The following TSPAN5 variants were observed in gnomAD, a reference collection of about 807,000 sequenced individuals.
TSPAN5 encodes the protein tetraspanin 5.
TSPAN5 carries 10 observed loss-of-function variants against 37.1 expected under a neutral mutation model. That is an observed-to-expected ratio of 0.27 (90% confidence interval 0.17 to 0.46). The LOEUF is 0.46. Ranked by LOEUF, TSPAN5 falls within the 20% of genes least tolerant of loss-of-function variation. The pLI, the probability that TSPAN5 is intolerant of heterozygous loss-of-function variation, is 1.00. For synonymous variants in TSPAN5, 110 were observed against 118.9 expected (o/e 0.93, Z 0.48); for missense variants, 195 against 326.6 (o/e 0.60, Z 3.11).
chr4:98,542,433 A>C (rs2110142917), intron 1 of TSPAN5, among the ~76,000 whole-genome samples: 4 of 152,320 alleles, frequency 2.6e-5, no homozygotes, highest in African/African-American at 9.6e-5. Flanking sequence ...CCATGAAGGC[A>C]GGCTGGGCAT....
chr4:98,556,368 G>GC (rs1310800577), intron 1 of TSPAN5, among the ~76,000 whole-genome samples: 1 of 152,180 alleles, frequency 6.6e-6, no homozygotes, highest in Non-Finnish European at 1.5e-5. Flanking sequence ...AAGCAGAGCT[G>GC]CCTATTGAGG....
chr4:98,567,689 C>T (rs1376297266), intron 1 of TSPAN5, among the ~76,000 whole-genome samples: 3 of 152,094 alleles, frequency 2.0e-5, no homozygotes, highest in African/African-American at 2.4e-5. Flanking sequence ...GCAATGAGGG[C>T]TAGACACAAA....
chr4:98,579,047 G>C (rs1368914291), intron 1 of TSPAN5, among the ~76,000 whole-genome samples: 1 of 152,100 alleles, frequency 6.6e-6, no homozygotes, highest in Non-Finnish European at 1.5e-5. Context: ...CAAGGAAATA[G>C]GAAGACGTGC....
chr4:98,477,655 G>A (rs1752734171), intron 5 of TSPAN5, among the ~76,000 whole-genome samples: 1 of 139,712 alleles, frequency 7.2e-6, no homozygotes, highest in South Asian at 2.2e-4. Context: ...TAACACTAGA[G>A]AGTTACCTTT....
chr4:98,658,201 G>A lies in TSPAN5; in HGVS notation c.26C>T (p.Pro9Leu). Reference protein sequence around the residue: MSGKHYKGPEVSCCIKYFI... With the variant: MSGKHYKGLEVSCCIKYFI... ...GTATTTGATGCAACAACTGACTTCAGGACCCTTGTAGTGCTTCCCGGACAT... is the reference window on the plus strand; with the variant it reads ...GTATTTGATGCAACAACTGACTTCAAGACCCTTGTAGTGCTTCCCGGACAT... Residue 9 changes from proline to leucine, a missense_variant, in exon 1 of 8, where the codon CCT (proline) becomes CTT (leucine). Physicochemically the swap from Pro to Leu is moderately conservative, Grantham distance 98. Coordinates refer to ENST00000305798, the MANE Select transcript of TSPAN5 (RefSeq NM_005723.4). 1 of 1,614,146 alleles carries A rather than the reference G, an allele frequency of 6.2e-7. No homozygotes were observed. Among genetic ancestry groups the A allele is most frequent in the Non-Finnish European group, 8.5e-7 (1 of 1,179,988 alleles).
At chr4:98,506,237 T>G (rs1753475490) in intron 2 of TSPAN5, among the ~76,000 whole-genome samples, 1 of 152,154 alleles carries the variant, frequency 6.6e-6, no homozygotes, top group Non-Finnish European at 1.5e-5. Flanking sequence ...TTCCACAAAT[T>G]TCCAAGTTCA....
intron 1 of TSPAN5, among the ~76,000 whole-genome samples, chr4:98,634,884 C>T (rs1756820923): frequency 6.6e-6 from 1 of 152,144 alleles, no homozygotes; most frequent in Admixed American, 6.5e-5. Context: ...TTTGGAAAGT[C>T]CTTTGGGTTG....
rs116509681 is a variant in TSPAN5, at chr4:98,525,191, G to A, written c.82-17463C>T. ...GCTCTTCCTAAAATCTTATCACTAG[G>A]TTCTCAAAACTGGGCTCCAAATGTG... On this transcript the variant is annotated intron_variant, in intron 1 of 7. Coordinates refer to ENST00000305798, the MANE Select transcript of TSPAN5 (RefSeq NM_005723.4). Among the ~76,000 whole-genome samples, 935 of 152,272 alleles carry A rather than the reference G, an allele frequency of 6.1e-3. 8 individuals carry two copies. The highest frequency in any genetic ancestry group is 0.021 in the African/African-American group (857 of 41,530).
At chr4:98,573,953 G>A (rs563984277) in intron 1 of TSPAN5, among the ~76,000 whole-genome samples, 15 of 152,236 alleles carry the variant, frequency 9.9e-5, no homozygotes, top group Admixed American at 9.2e-4. Flanking sequence ...TGCCTTCCCT[G>A]AGGGCATTAC....
At chr4:98,485,652 G>A (rs1269435849) in intron 3 of TSPAN5, 1 of 151,726 alleles carries the variant, frequency 6.6e-6, no homozygotes, top group Non-Finnish European at 1.5e-5. Flanking sequence ...GGCACACCGT[G>A]TACCCTCTTC....
At chr4:98,546,205 G>T (rs1484697623) in intron 1 of TSPAN5, among the ~76,000 whole-genome samples, 1 of 152,182 alleles carries the variant, frequency 6.6e-6, no homozygotes, top group Non-Finnish European at 1.5e-5. Flanking sequence ...GACCAAGCAA[G>T]CATATTCTAA....
intron 1 of TSPAN5, chr4:98,574,707 T>A (rs1484145288): frequency 1.3e-5 from 2 of 152,140 alleles, no homozygotes; most frequent in Non-Finnish European, 1.5e-5. Flanking sequence ...GGGAATGCCA[T>A]CTCCTCACCC....
intron 2 of TSPAN5, among the ~76,000 whole-genome samples, chr4:98,491,705 G>GC (rs1359574001): frequency 4.0e-5 from 6 of 151,868 alleles, no homozygotes; most frequent in Admixed American, 2.0e-4. Flanking sequence ...AAAAAAGGTG[G>GC]GGGGGAACAT....
intron 1 of TSPAN5, among the ~76,000 whole-genome samples, chr4:98,586,780 T>C (rs1198467061): frequency 6.6e-6 from 1 of 152,220 alleles, no homozygotes; most frequent in Non-Finnish European, 1.5e-5. Flanking sequence ...TGCAGTTCTC[T>C]TACAGATAAC....
chr4:98,470,448 T>C lies in TSPAN5; in HGVS notation c.*2074A>G, dbSNP rs1294504434. ...AAAAATAAAGGGTGATTAATTAATA[T>C]TTAAAACTCACTCGGACTTGCTGTT... is the stretch of plus-strand genomic sequence containing the variant. On this transcript the variant is annotated 3_prime_UTR_variant, in exon 8 of 8. Transcript: ENST00000305798. 1 of 152,272 alleles carries C rather than the reference T, an allele frequency of 6.6e-6. No individual in the cohort carries two copies. Among genetic ancestry groups the C allele is most frequent in the Non-Finnish European group, 1.5e-5 (1 of 68,046 alleles). The allele number at this position is 152,272 out of a possible 1,614,324, so 9.4% of individuals were successfully genotyped here.
intron 1 of TSPAN5, among the ~76,000 whole-genome samples, chr4:98,640,432 T>A (rs1756940772): frequency 1.3e-5 from 2 of 152,158 alleles, no homozygotes; most frequent in African/African-American, 4.8e-5. Flanking sequence ...ATACTACCAT[T>A]TTAAAAAAAC....
chr4:98,504,309 G>C (rs1753424172), intron 2 of TSPAN5, among the ~76,000 whole-genome samples: 1 of 152,168 alleles, frequency 6.6e-6, no homozygotes, highest in Admixed American at 6.5e-5. Context: ...CAGGTGCAGT[G>C]TTCACCACAC....
chr4:98,624,671 G>A (rs879337949), intron 1 of TSPAN5, among the ~76,000 whole-genome samples: 1 of 152,188 alleles, frequency 6.6e-6, no homozygotes, highest in African/African-American at 2.4e-5. Context: ...CTAGTTCAGA[G>A]AATCAGTATG....
chr4:98,624,727 A>C (rs1027532991), intron 1 of TSPAN5, among the ~76,000 whole-genome samples: 14 of 152,234 alleles, frequency 9.2e-5, no homozygotes, highest in African/African-American at 3.4e-4. Flanking sequence ...TACATTAATT[A>C]GTAGTTAATG....
Sources: gnomAD v4.1 joint callset for allele counts (sites outside exome capture counted in the v4.1 genomes callset) on GRCh38, gnomAD v4.1.1 for gene constraint, MANE v1.5 for transcripts, NCBI Gene and HGNC (gene_info 2026-07-23, HGNC 2026-07-21) for gene names.